DNMBP: variants seen among roughly 807,000 people sequenced by gnomAD.
DNMBP encodes dynamin-binding protein.
Under a neutral mutation model 150.0 loss-of-function variants are expected in DNMBP, and 87 were observed. The observed-to-expected ratio is 0.58, with a 90% CI of 0.49 to 0.69. DNMBP has a LOEUF of 0.69. Ranked by LOEUF, DNMBP falls within the 30% of genes least tolerant of loss-of-function variation. DNMBP has a pLI of 0.00. For missense variants in DNMBP, 1,774 were observed against 1,949.0 expected (o/e 0.91, Z 1.69); for synonymous variants, 711 against 750.4 (o/e 0.95, Z 0.86).
intron 4 of DNMBP, among the ~76,000 whole-genome samples, chr10:99,922,265 G>C (rs2133268055): frequency 6.6e-6 from 1 of 152,144 alleles, no homozygotes; most frequent in South Asian, 2.1e-4. Context: ...TAGTTGCTTT[G>C]ATTCACTCCC....
rs1040350674 is a variant in DNMBP at position 99,911,318 on chromosome 10, C to T, written c.2261-2172G>A. ...GACAGATCACCTGAGGTCAGAAGTTCGAGACCAGCCTGACCAACATGGTGA... is the reference window on the plus strand; with the variant it reads ...GACAGATCACCTGAGGTCAGAAGTTTGAGACCAGCCTGACCAACATGGTGA... On this transcript the variant is annotated intron_variant, in intron 4 of 16. Transcript: ENST00000324109. Among the ~76,000 whole-genome samples the T allele has an allele frequency of 1.1e-4, 16 of 152,168 alleles. No individual in the cohort carries two copies. The East Asian group carries it at 2.3e-3, about 22-fold the overall frequency.
intron 11 of DNMBP, among the ~76,000 whole-genome samples, chr10:99,890,898 C>T (rs1312619875): frequency 2.6e-5 from 4 of 152,130 alleles, no homozygotes; most frequent in African/African-American, 7.2e-5. Context: ...CTGCCCACCT[C>T]GGCCTCCCAA....
intron 1 of DNMBP, among the ~76,000 whole-genome samples, chr10:100,000,859 C>CA (rs36026874): frequency 0.19 from 9,739 of 52,170 alleles, 2,461 homozygotes; most frequent in Non-Finnish European, 0.3. Flanking sequence ...CCTGTTATGG[C>CA]AAAAAAAAAA....
rs768822004 is a variant in DNMBP at position 99,956,935 on chromosome 10, G to A, written c.539C>T (p.Pro180Leu). The change falls in exon 4 of 17, where the codon CCA becomes CTA. Residue 180 changes from proline to leucine, a missense_variant. This residue lies in a region of DNMBP where 344 missense variants were observed against 456.6 expected (regional missense o/e 0.75). Coordinates refer to ENST00000324109, the MANE Select transcript of DNMBP (RefSeq NM_015221.4). ...DVITIIGVPEPGWFEGELEGR... is the reference protein window; with the variant it reads ...DVITIIGVPELGWFEGELEGR... ...CTCTAACTCCCCTTCAAACCAGCCT[G>A]GTTCAGGAACTCCAATAATGGTGAT... 5 of 1,614,026 alleles carry A rather than the reference G, an allele frequency of 3.1e-6. No individual in the cohort carries two copies. Among genetic ancestry groups the A allele is most frequent in the Non-Finnish European group, 4.2e-6 (5 of 1,180,040 alleles).
At chr10:99,889,160 T>C (rs2039519352) in intron 11 of DNMBP, 2 of 524,994 alleles carry the variant, frequency 3.8e-6, no homozygotes, top group Non-Finnish European at 6.6e-6. Flanking sequence ...TTTTAATTCT[T>C]AACAAAACTG....
intron 7 of DNMBP, among the ~76,000 whole-genome samples, chr10:99,899,117 G>C (rs2133227703): frequency 6.6e-6 from 1 of 152,200 alleles, no homozygotes; most frequent in South Asian, 2.1e-4. Flanking sequence ...CTTGAACCCG[G>C]GAGGTGGAGG....
chr10:99,878,955 T>C (rs889755331), intron 16 of DNMBP, among the ~76,000 whole-genome samples: 2 of 150,444 alleles, frequency 1.3e-5, no homozygotes, highest in Non-Finnish European at 3.0e-5. Flanking sequence ...ACCCTGTCTC[T>C]AATAAAGTAG....
chr10:99,884,649 C>T (rs1266831733), intron 14 of DNMBP, among the ~76,000 whole-genome samples: 2 of 152,182 alleles, frequency 1.3e-5, no homozygotes, highest in African/African-American at 4.8e-5. Flanking sequence ...TTGCTCACAC[C>T]TGTAATCCCA....
chr10:99,930,119 C>A (rs1033407071), intron 4 of DNMBP: 2 of 702,950 alleles, frequency 2.8e-6, no homozygotes, highest in Admixed American at 2.0e-5. Context: ...AGCTCACAGG[C>A]TGACCATCAG....
intron 4 of DNMBP, among the ~76,000 whole-genome samples, chr10:99,922,899 C>T (rs1476712440): frequency 6.6e-6 from 1 of 152,204 alleles, no homozygotes; most frequent in Non-Finnish European, 1.5e-5. Context: ...TGCCTCTTAA[C>T]TACCCCATTT....
At chr10:99,938,969 T>C (rs2040264161) in intron 4 of DNMBP, among the ~76,000 whole-genome samples, 1 of 152,124 alleles carries the variant, frequency 6.6e-6, no homozygotes, top group Non-Finnish European at 1.5e-5. Flanking sequence ...TTGCTCCTAG[T>C]GGGTGGGCCA....
At chr10:99,882,916 A>G (rs2039392149) in intron 15 of DNMBP, among the ~76,000 whole-genome samples, 1 of 152,006 alleles carries the variant, frequency 6.6e-6, no homozygotes, top group East Asian at 1.9e-4. Flanking sequence ...AAATACAAAC[A>G]GTTAGCCAGG....
intron 4 of DNMBP, among the ~76,000 whole-genome samples, chr10:99,945,845 T>C (rs2040350719): frequency 6.6e-6 from 1 of 152,270 alleles, no homozygotes; most frequent in African/African-American, 2.4e-5. Context: ...CAATATCAAT[T>C]TCAATGGCAA....
At chr10:100,007,673 A>G (rs1986645) in intron 1 of DNMBP, among the ~76,000 whole-genome samples, 17,678 of 152,270 alleles carry the variant, frequency 0.12, 1,442 homozygotes, top group African/African-American at 0.22. Context: ...CACCTCCCAC[A>G]GCTGCCTTTC....
chr10:99,927,693 G>A lies in DNMBP; in HGVS notation c.2261-18547C>T, dbSNP rs114281620. 9.1e-3 allele frequency among the ~76,000 whole-genome samples: 1,392 copies of A among 152,178 alleles called. 19 individuals are homozygous for A. The highest frequency in any genetic ancestry group is 0.041 in the Middle Eastern group (12 of 294). ...TGTTATAGGTCAAGAAGGATATTAGGGGTACAAAAAGGGGTGAACTAAATA... is the reference window on the plus strand; with the variant it reads ...TGTTATAGGTCAAGAAGGATATTAGAGGTACAAAAAGGGGTGAACTAAATA... On this transcript the variant is annotated intron_variant, in intron 4 of 16. Coordinates refer to ENST00000324109, the MANE Select transcript of DNMBP (RefSeq NM_015221.4).
At chr10:99,972,295 G>C (rs1341535701) in intron 1 of DNMBP, among the ~76,000 whole-genome samples, 161 bp from the exon 2 acceptor site, 1 of 152,088 alleles carries the variant, frequency 6.6e-6, no homozygotes, top group Non-Finnish European at 1.5e-5. Context: ...TTGAGACAGG[G>C]TCTCACTCCC....
intron 1 of DNMBP, among the ~76,000 whole-genome samples, chr10:99,975,197 T>C (rs1962581): frequency 0.45 from 68,274 of 151,838 alleles, 16,137 homozygotes; most frequent in African/African-American, 0.59. Context: ...CCCGTCTCTA[T>C]TAAAATTACA....
intron 4 of DNMBP, among the ~76,000 whole-genome samples, chr10:99,945,223 G>T (rs1430863237): frequency 6.6e-6 from 1 of 152,164 alleles, no homozygotes; most frequent in African/African-American, 2.4e-5. Context: ...ACAAGAGAAG[G>T]TACTAGGATT....
intron 5 of DNMBP, among the ~76,000 whole-genome samples, chr10:99,908,493 C>T (rs1337633353): frequency 6.6e-6 from 1 of 152,212 alleles, no homozygotes; most frequent in African/African-American, 2.4e-5. Flanking sequence ...GACTATAAAC[C>T]CCAGGACATT....
Sources: gnomAD v4.1 joint callset for allele counts (sites outside exome capture counted in the v4.1 genomes callset) on GRCh38, gnomAD v4.1.1 for gene constraint, gnomAD v4.1.1 regional missense constraint, MANE v1.5 for transcripts, NCBI Gene and HGNC (gene_info 2026-07-23, HGNC 2026-07-21) for gene names.